Variants in SLC26A7 observed in about 807,000 individuals in gnomAD.
SLC26A7 encodes anion exchange transporter.
Under a neutral mutation model 82.5 loss-of-function variants are expected in SLC26A7, and 59 were observed. The ratio of observed to expected loss-of-function variants is 0.72; its 90% CI spans 0.58 to 0.89. The LOEUF is 0.89. Among genes scored for constraint, SLC26A7 ranks in the 40% least tolerant of loss-of-function variants. The pLI, the probability that SLC26A7 is intolerant of heterozygous loss-of-function variation, is 0.00. For missense variants in SLC26A7, 820 were observed against 793.0 expected (o/e 1.03, Z -0.41); for synonymous variants, 271 against 274.3 (o/e 0.99, Z 0.12).
chr8:91,224,317 CT>C (rs1810203739), intron 2 of SLC26A7, among the ~76,000 whole-genome samples: 1 of 152,046 alleles, frequency 6.6e-6, no homozygotes, highest in South Asian at 2.1e-4. Flanking sequence ...ATGAGTTTGT[CT>C]AGTTTCAATC....
At chr8:91,381,027 G>C (rs984823341) in intron 15 of SLC26A7, among the ~76,000 whole-genome samples, 1 of 151,980 alleles carries the variant, frequency 6.6e-6, no homozygotes, top group African/African-American at 2.4e-5. Flanking sequence ...GGGGAAAAAA[G>C]CAAGACAAAT....
intron 9 of SLC26A7, among the ~76,000 whole-genome samples, chr8:91,348,623 A>G (rs1447511097): frequency 1.3e-5 from 2 of 152,310 alleles, no homozygotes; most frequent in East Asian, 3.9e-4. Context: ...AATCCTAGCC[A>G]GTGTTTGCCC....
intron 9 of SLC26A7, 111 bp downstream of exon 9, chr8:91,343,577 T>A: frequency 1.5e-6 from 1 of 681,966 alleles, no homozygotes; most frequent in Non-Finnish European, 2.3e-6. Flanking sequence ...TTCACTTATT[T>A]AATTTTTTTT....
At chr8:91,321,175 C>A (rs1812779634) in intron 5 of SLC26A7, among the ~76,000 whole-genome samples, 1 of 152,186 alleles carries the variant, frequency 6.6e-6, no homozygotes. Flanking sequence ...GTATGAACAG[C>A]TAATATTTCC....
intron 9 of SLC26A7, 32 bp from the exon 10 acceptor site, chr8:91,351,778 T>G: frequency 6.7e-7 from 1 of 1,503,542 alleles, no homozygotes; most frequent in Non-Finnish European, 9.2e-7. Context: ...CAAGGCTTTC[T>G]TTTTCCTTTT....
chr8:91,370,067 ATTT>A (rs1814311125), intron 15 of SLC26A7, among the ~76,000 whole-genome samples: 1 of 151,838 alleles, frequency 6.6e-6, no homozygotes, highest in Non-Finnish European at 1.5e-5. Context: ...AGATTTAGCC[ATTT>A]GGCTCCTTCT....
rs547476828 is a variant in SLC26A7 at position 91,270,841 on chromosome 8, T to G, written c.194-18295T>G. ...CTGAATTTACCAGCATCATCTTAACTTGGTAGTAGGTTAAAATAGGACTGT... is the reference window on the plus strand; with the variant it reads ...CTGAATTTACCAGCATCATCTTAACGTGGTAGTAGGTTAAAATAGGACTGT... On this transcript the variant is annotated intron_variant, in intron 2 of 18. Coordinates refer to ENST00000276609, the MANE Select transcript of SLC26A7 (RefSeq NM_052832.4). Among the ~76,000 whole-genome samples, 11 of 152,294 alleles carry G rather than the reference T, an allele frequency of 7.2e-5. No individual in the cohort carries two copies. The South Asian group carries it at 2.3e-3, about 32-fold the overall frequency.
chr8:91,276,940 A>G (rs1299848237), intron 2 of SLC26A7, among the ~76,000 whole-genome samples: 2 of 152,220 alleles, frequency 1.3e-5, no homozygotes, highest in African/African-American at 4.8e-5. Flanking sequence ...AGAAACAAAG[A>G]AATGGTATAT....
intron 2 of SLC26A7, among the ~76,000 whole-genome samples, chr8:91,272,151 C>T (rs1811290192): frequency 6.6e-6 from 1 of 152,120 alleles, no homozygotes; most frequent in African/African-American, 2.4e-5. Flanking sequence ...GCCTTGCTTA[C>T]CCTTTCATCT....
rs763326623 is a variant in SLC26A7 at position 91,219,038 on chromosome 8, G to T, written c.-34+33G>T. On this transcript the variant is annotated intron_variant, in intron 2 of 5. Transcript: ENST00000522862. ...GCTCATTCATAGCCTCACTCCACTT[G>T]CCCTGTCAGCTCTGCATACACAGAT... 6.9e-6 allele frequency: 8 copies of T among 1,164,180 alleles called. No individual in the cohort carries two copies. In the South Asian group the frequency reaches 9.8e-5, roughly 14 times the overall value. The allele number at this position is 1,164,180 out of a possible 1,614,324, so 72.1% of individuals were successfully genotyped here.
chr8:91,350,236 A>G (rs1213165609), intron 9 of SLC26A7, among the ~76,000 whole-genome samples: 1 of 151,278 alleles, frequency 6.6e-6, no homozygotes. Flanking sequence ...CTGCCACTCC[A>G]CTCTCCTTCT....
intron 14 of SLC26A7, 32 bp from the exon 15 acceptor site, chr8:91,369,753 A>G (rs750656752): frequency 4.0e-6 from 6 of 1,492,178 alleles, no homozygotes; most frequent in Non-Finnish European, 5.4e-6. Flanking sequence ...ATTTTATAAC[A>G]TTTTTCTTCT....
At chr8:91,358,315 G>A (rs1813934440) in intron 11 of SLC26A7, among the ~76,000 whole-genome samples, 1 of 148,834 alleles carries the variant, frequency 6.7e-6, no homozygotes, top group Non-Finnish European at 1.5e-5. Flanking sequence ...GCACACATAT[G>A]TTTTTTTCTT....
chr8:91,318,005 A>G (rs909997609), intron 4 of SLC26A7, among the ~76,000 whole-genome samples: 1 of 148,280 alleles, frequency 6.7e-6, no homozygotes, highest in Non-Finnish European at 1.5e-5. Flanking sequence ...AATTAAATTA[A>G]AAAAAAAAGA....
In SLC26A7 at chr8:91,300,599, G is replaced by A. The variant is rs1388468153; in HGVS notation, c.477+4896G>A. 2.6e-5 allele frequency among the ~76,000 whole-genome samples: 4 copies of A among 152,038 alleles called. No homozygotes were observed. In the South Asian group the frequency reaches 6.2e-4, roughly 24 times the overall value. On this transcript the variant is annotated intron_variant, in intron 4 of 18. Coordinates refer to ENST00000276609, the MANE Select transcript of SLC26A7 (RefSeq NM_052832.4). ...TTTTTAGTAGAGACGGGGTTTCACC[G>A]TTATAGCCGGGATGGTCTCGATCTC...
At chr8:91,210,804 A>G (rs970536169) in intron 1 of SLC26A7, among the ~76,000 whole-genome samples, 3 of 132,662 alleles carry the variant, frequency 2.3e-5, no homozygotes, top group Non-Finnish European at 5.0e-5. Context: ...GAAACCCATT[A>G]GCTAGGATCT....
In SLC26A7 at chr8:91,352,790, C is replaced by T. The variant is rs545917477; in HGVS notation, c.1219-111C>T. ...GCTTTTGTCTTCTAATCGGTGATTGCTTTTCTCTATTAAGTACTTTAAAAA... is the reference window on the plus strand; with the variant it reads ...GCTTTTGTCTTCTAATCGGTGATTGTTTTTCTCTATTAAGTACTTTAAAAA... On this transcript the variant is annotated intron_variant, in intron 10 of 18. Coordinates refer to ENST00000276609, the MANE Select transcript of SLC26A7 (RefSeq NM_052832.4). 1.1e-5 allele frequency: 8 copies of T among 744,976 alleles called. No homozygotes were observed. In the Admixed American group the frequency reaches 1.3e-4, roughly 12 times the overall value. The allele number at this position is 744,976 out of a possible 1,614,324, so 46.1% of individuals were successfully genotyped here.
chr8:91,302,440 C>T (rs1218974919), intron 4 of SLC26A7, among the ~76,000 whole-genome samples: 1 of 152,038 alleles, frequency 6.6e-6, no homozygotes, highest in African/African-American at 2.4e-5. Context: ...TTCTGTTTCT[C>T]TTCTCTGTTA....
chr8:91,377,304 C>G (rs1159987183), intron 15 of SLC26A7, among the ~76,000 whole-genome samples: 1 of 152,156 alleles, frequency 6.6e-6, no homozygotes, highest in Non-Finnish European at 1.5e-5. Flanking sequence ...GTGCTGCCCC[C>G]TTTCAGTGAT....
Sources: allele counts gnomAD v4.1 joint callset (sites outside exome capture counted in the v4.1 genomes callset), GRCh38; gene constraint gnomAD v4.1.1; transcripts MANE v1.5; gene names NCBI Gene and HGNC (gene_info 2026-07-23, HGNC 2026-07-21).